The following BPNT2 variants were observed in gnomAD, a reference collection of about 807,000 sequenced individuals.
BPNT2 encodes the protein Golgi-resident adenosine 3',5'-bisphosphate 3'-phosphatase.
A neutral mutation model predicts 29.3 loss-of-function variants in BPNT2; 11 were observed. That is an observed-to-expected ratio of 0.38 (90% CI 0.24 to 0.62). BPNT2 has a LOEUF of 0.62. Among genes scored for constraint, BPNT2 ranks in the 20% least tolerant of loss-of-function variants. The pLI is 0.62. For synonymous variants in BPNT2, 195 were observed against 187.7 expected (o/e 1.04, Z -0.32); for missense variants, 459 against 473.4 (o/e 0.97, Z 0.28).
At position 56,966,198 on chromosome 8, in the gene BPNT2, A is replaced by C. The variant is rs1805946200; in HGVS notation, c.801T>G (p.Gly267=). The C allele has an allele frequency of 6.2e-7, 1 of 1,613,958 alleles. No homozygotes were observed. The highest frequency in any genetic ancestry group is 1.7e-5 in the Admixed American group (1 of 60,006). ...FGNQTTIIPA[G]GAGYKVLALL... ...ACAGGAAGAGGAACATACCAGCACC[A>C]CCAGCTGGGATAATTGTAGTCTGGT... Residue 267 remains glycine, a synonymous_variant, in exon 4 of 5, where the codon GGT becomes GGG. Coordinates refer to ENST00000262644, the MANE Select transcript of BPNT2 (RefSeq NM_017813.5).
At chr8:56,989,725 G>A (rs1806381832) in intron 1 of BPNT2, among the ~76,000 whole-genome samples, 1 of 152,082 alleles carries the variant, frequency 6.6e-6, no homozygotes, top group South Asian at 2.1e-4. Context: ...GCTAAATCTG[G>A]CCTTCTTTTA....
intron 1 of BPNT2, among the ~76,000 whole-genome samples, chr8:56,984,974 G>C (rs1230176971): frequency 6.6e-6 from 1 of 151,542 alleles, no homozygotes; most frequent in Non-Finnish European, 1.5e-5. Context: ...TCTTCTGCTT[G>C]TACACGCTTT....
rs970468441 is a variant in BPNT2 at position 56,961,370 on chromosome 8, T to C, written c.*2423A>G. On this transcript the variant is annotated 3_prime_UTR_variant, in exon 5 of 5. Transcript: ENST00000262644. ...TAAATATAAATACTGTTCCTAATTC[T>C]GCAACGTATATTGGCTTTTAAAAAC... 3.9e-5 allele frequency: 6 copies of C among 152,230 alleles called. No individual in the cohort carries two copies. The highest frequency in any genetic ancestry group is 1.2e-4 in the African/African-American group (5 of 41,464). 9.4% of individuals were successfully genotyped at this position (152,230 alleles called of 1,614,324 possible).
In BPNT2 at chr8:56,993,445, G is replaced by T; in HGVS notation, c.141C>A (p.Gly47=). The T allele has an allele frequency of 6.8e-7, 1 of 1,473,700 alleles. No individual in the cohort carries two copies. Among genetic ancestry groups the T allele is most frequent in the Non-Finnish European group, 8.9e-7 (1 of 1,117,396 alleles). The allele number at this position is 1,473,700 out of a possible 1,614,324, so 91.3% of individuals were successfully genotyped here. ...CCGCGGCCGCGGGCCCCGCCGCGCC[G>T]CCGCCAGGCTCGCCGCCCAGGCCGA... The part of the protein sequence containing the change: ...SLFGLGGEPG[G]GAAGPAAAAD... The change falls in exon 1 of 5, where the codon GGC becomes GGA. Residue 47 remains glycine, a synonymous_variant. Coordinates refer to ENST00000262644, the MANE Select transcript of BPNT2 (RefSeq NM_017813.5).
intron 1 of BPNT2, among the ~76,000 whole-genome samples, chr8:56,990,087 C>CA (rs1433713499): frequency 6.6e-6 from 1 of 152,196 alleles, no homozygotes; most frequent in Non-Finnish European, 1.5e-5. Flanking sequence ...ATTAGTGCTT[C>CA]TCAAACTTTT....
chr8:56,978,168 A>G, intron 2 of BPNT2, 23 bp from the exon 3 acceptor site: 3 of 1,385,932 alleles, frequency 2.2e-6, no homozygotes, highest in Non-Finnish European at 3.1e-6. Context: ...AAACAAAACA[A>G]CACACACAAA....
At chr8:56,970,018 TAGA>T (rs1806006138) in intron 3 of BPNT2, among the ~76,000 whole-genome samples, 1 of 152,196 alleles carries the variant, frequency 6.6e-6, no homozygotes, top group African/African-American at 2.4e-5. Flanking sequence ...AAATTCTCTA[TAGA>T]AGAATTCATG....
chr8:56,990,423 T>G (rs893987633), intron 1 of BPNT2, among the ~76,000 whole-genome samples: 12 of 152,184 alleles, frequency 7.9e-5, no homozygotes, highest in African/African-American at 2.9e-4. Context: ...TACTATTACT[T>G]TGACACAATG....
At chr8:56,973,608 A>G (rs1806072552) in intron 3 of BPNT2, among the ~76,000 whole-genome samples, 1 of 152,198 alleles carries the variant, frequency 6.6e-6, no homozygotes. Context: ...GATCTTGGAG[A>G]CATTCAAGAG....
intron 1 of BPNT2, among the ~76,000 whole-genome samples, chr8:56,981,367 C>T (rs975091610): frequency 6.6e-6 from 1 of 152,170 alleles, no homozygotes; most frequent in African/African-American, 2.4e-5. Context: ...GAGATCAAGG[C>T]CATCCTGGCC....
chr8:56,975,056 G>C (rs1806109952), intron 3 of BPNT2, among the ~76,000 whole-genome samples: 1 of 152,072 alleles, frequency 6.6e-6, no homozygotes, highest in Non-Finnish European at 1.5e-5. Context: ...AATGAAGCAG[G>C]GGTTTAATGG....
intron 1 of BPNT2, among the ~76,000 whole-genome samples, chr8:56,987,747 G>C (rs1330420172): frequency 3.6e-5 from 3 of 83,564 alleles, no homozygotes; most frequent in Non-Finnish European, 7.2e-5. Context: ...TTTTTTTTTT[G>C]AGATGGAGTC....
chr8:56,976,129 A>G (rs1806129071), intron 3 of BPNT2, among the ~76,000 whole-genome samples: 1 of 152,092 alleles, frequency 6.6e-6, no homozygotes, highest in African/African-American at 2.4e-5. Flanking sequence ...TCACAAGTCA[A>G]ACCCTTAGTG....
In BPNT2 at chr8:56,958,118, C is replaced by T. The variant is rs946773320; in HGVS notation, c.*5675G>A. ...ATTTAGTATGTGGGGGGGTGATAAT[C>T]ATAAATATTTGCAAAGGTAACAAAA... On this transcript the variant is annotated 3_prime_UTR_variant, in exon 5 of 5. Transcript: ENST00000262644. 1 of 152,066 alleles carries T rather than the reference C, an allele frequency of 6.6e-6. No individual in the cohort carries two copies. Among genetic ancestry groups the T allele is most frequent in the African/African-American group, 2.4e-5 (1 of 41,394 alleles). The allele number at this position is 152,066 out of a possible 1,614,324, so 9.4% of individuals were successfully genotyped here.
intron 3 of BPNT2, among the ~76,000 whole-genome samples, chr8:56,971,888 G>T (rs1250458157): frequency 6.7e-6 from 1 of 149,482 alleles, no homozygotes; most frequent in Non-Finnish European, 1.5e-5. Flanking sequence ...GAGGTCAGAA[G>T]ATCGAGACCA....
At position 56,962,180 on chromosome 8, in the gene BPNT2, G is replaced by A. The variant is rs1222362941; in HGVS notation, c.*1613C>T. 1 of 152,098 alleles carries A rather than the reference G, an allele frequency of 6.6e-6. No homozygotes were observed. The highest frequency in any genetic ancestry group is 6.5e-5 in the Admixed American group (1 of 15,272). 9.4% of individuals were successfully genotyped at this position (152,098 alleles called of 1,614,324 possible). A position where few individuals can be genotyped will look rare whatever the true frequency, so the allele number is the denominator to read the frequency against. Reference sequence around the variant, plus strand: ...TTCACTGAAAAGGCCTACTGCTAAGGCCCAACACCTTCTCGAATTTGACCA... The same window carrying A: ...TTCACTGAAAAGGCCTACTGCTAAGACCCAACACCTTCTCGAATTTGACCA... On this transcript the variant is annotated 3_prime_UTR_variant, in exon 5 of 5. Coordinates refer to ENST00000262644, the MANE Select transcript of BPNT2 (RefSeq NM_017813.5).
rs111466809 is a variant in BPNT2 at position 56,974,238 on chromosome 8, T to C, written c.646+3812A>G. Among the ~76,000 whole-genome samples, 699 of 152,284 alleles carry C rather than the reference T, an allele frequency of 4.6e-3. 7 individuals carry two copies. Among genetic ancestry groups the C allele is most frequent in the African/African-American group, 0.016 (665 of 41,560 alleles). On this transcript the variant is annotated intron_variant, in intron 3 of 4. Transcript: ENST00000262644. ...AAATGAGGCTATTCGCAGTTCAGTT[T>C]TTAAGGAGTCAAAAGTTACACACAG...
intron 1 of BPNT2, among the ~76,000 whole-genome samples, chr8:56,980,819 T>TATATACACACACACAC (rs755705861): frequency 7.1e-6 from 1 of 141,510 alleles, no homozygotes; most frequent in African/African-American, 2.6e-5. Flanking sequence ...TACATACATA[T>TATATACACACACACAC]ACACACACAC....
Position 56,966,214 on chromosome 8 carries a change from G to C in BPNT2, c.785C>G (p.Thr262Arg). 1.2e-6 allele frequency: 2 copies of C among 1,614,188 alleles called. No individual in the cohort carries two copies. Among genetic ancestry groups the C allele is most frequent in the Non-Finnish European group, 1.7e-6 (2 of 1,180,026 alleles). The stretch of plus-strand genomic sequence containing the variant: ...ACCAGCACCACCAGCTGGGATAATT[G>C]TAGTCTGGTTTCCAAAAGTCTGAAG... ...VALQTFGNQT[T>R]IIPAGGAGYK... The change falls in exon 4 of 5, where the codon ACA becomes AGA. Residue 262 changes from threonine (T) to arginine (R), a missense_variant. Coordinates refer to ENST00000262644, the MANE Select transcript of BPNT2 (RefSeq NM_017813.5).
Sources: gnomAD v4.1 joint callset for allele counts (sites outside exome capture counted in the v4.1 genomes callset) on GRCh38, gnomAD v4.1.1 for gene constraint, MANE v1.5 for transcripts, NCBI Gene and HGNC (gene_info 2026-07-23, HGNC 2026-07-21) for gene names.